The following TES variants were observed in gnomAD, a reference collection of about 807,000 sequenced individuals.
The protein encoded by TES is testin.
A neutral mutation model predicts 48.2 loss-of-function variants in TES; 41 were observed. The observed-to-expected ratio is 0.85, with a 90% CI of 0.66 to 1.10. The LOEUF (loss-of-function observed/expected upper bound fraction) is 1.10, where lower values mean the gene tolerates loss of function less well. Among genes scored for constraint, TES ranks in the 50% least tolerant of loss-of-function variants. The probability of loss-of-function intolerance (pLI) is 0.00; values close to 1 mark genes in which losing one functional copy is unlikely to be tolerated. For missense variants in TES, 463 were observed against 515.1 expected, an observed-to-expected ratio of 0.90 and a Z score of 0.98; for synonymous variants, 162 against 174.9, an observed-to-expected ratio of 0.93 and a Z score of 0.58.
chr7:116,226,998 G>A (rs1799629049), intron 1 of TES, among the ~76,000 whole-genome samples: 1 of 152,062 alleles, frequency 6.6e-6, no homozygotes, highest in African/African-American at 2.4e-5. Context: ...CTAGTTCTTT[G>A]TATTCTTACC....
At chr7:116,221,612 C>T (rs1033113994) in intron 1 of TES, among the ~76,000 whole-genome samples, 1 of 152,146 alleles carries the variant, frequency 6.6e-6, no homozygotes, top group Non-Finnish European at 1.5e-5. Context: ...CAGCTTCCCA[C>T]AGTGAAAGCT....
chr7:116,236,951 A>G (rs1799780141), intron 2 of TES, among the ~76,000 whole-genome samples: 1 of 152,176 alleles, frequency 6.6e-6, no homozygotes, highest in African/African-American at 2.4e-5. Flanking sequence ...AGTAGTTCTG[A>G]CATCTTCCTG....
At chr7:116,211,506 T>A (rs1452057029) in intron 1 of TES, 3 of 152,238 alleles carry the variant, frequency 2.0e-5, no homozygotes, top group Non-Finnish European at 4.4e-5. Context: ...GAGCCTGGTG[T>A]CGCCTGGGAG....
In TES at chr7:116,257,656, C is replaced by T. The variant is rs564622310; in HGVS notation, c.*174C>T. On this transcript the variant is annotated 3_prime_UTR_variant, in exon 7 of 7. Coordinates refer to ENST00000358204, the MANE Select transcript of TES (RefSeq NM_015641.4). Reference sequence around the variant, plus strand: ...TTCATCAATTTTTTTTCGGTCTCAACTTTTAAACTTGGTTTAAGCATTTGA... The same window carrying T: ...TTCATCAATTTTTTTTCGGTCTCAATTTTTAAACTTGGTTTAAGCATTTGA... 2 of 521,182 alleles carry T rather than the reference C, an allele frequency of 3.8e-6. No homozygotes were observed. Among genetic ancestry groups the T allele is most frequent in the Non-Finnish European group, 6.4e-6 (2 of 310,160 alleles). The allele number at this position is 521,182 out of a possible 1,614,324, so 32.3% of individuals were successfully genotyped here.
chr7:116,227,685 G>A (rs1036634621), intron 1 of TES, among the ~76,000 whole-genome samples: 3 of 152,132 alleles, frequency 2.0e-5, no homozygotes, highest in Admixed American at 6.5e-5. Flanking sequence ...ATATATGTGT[G>A]TGTATATATA....
intron 1 of TES, among the ~76,000 whole-genome samples, chr7:116,228,221 C>G (rs1047939907): frequency 6.6e-6 from 1 of 151,930 alleles, no homozygotes; most frequent in African/African-American, 2.4e-5. Context: ...GTTTATGGAG[C>G]CTGCAGTTAA....
chr7:116,216,408 C>T (rs1291214588), intron 1 of TES, among the ~76,000 whole-genome samples: 2 of 151,918 alleles, frequency 1.3e-5, no homozygotes, highest in Non-Finnish European at 2.9e-5. Flanking sequence ...AGATCCGAGT[C>T]CACTATTTTT....
chr7:116,211,766 G>C (rs1799441793), intron 1 of TES, among the ~76,000 whole-genome samples: 1 of 151,946 alleles, frequency 6.6e-6, no homozygotes, highest in Admixed American at 6.6e-5. Flanking sequence ...CAAAGTTTTT[G>C]ACTTGAGCAT....
intron 1 of TES, among the ~76,000 whole-genome samples, chr7:116,221,150 T>C (rs950955770): frequency 6.6e-6 from 1 of 152,126 alleles, no homozygotes. Flanking sequence ...AATTTAAAAA[T>C]TTAATATATT....
At chr7:116,214,256 C>T (rs1432081969) in intron 1 of TES, among the ~76,000 whole-genome samples, 1 of 151,956 alleles carries the variant, frequency 6.6e-6, no homozygotes, top group Non-Finnish European at 1.5e-5. Flanking sequence ...TTGTCATTAG[C>T]CAAAAAAGCA....
intron 6 of TES, among the ~76,000 whole-genome samples, 177 bp from the exon 7 acceptor site, chr7:116,257,117 T>C (rs891536403): frequency 3.3e-5 from 5 of 152,222 alleles, no homozygotes; most frequent in African/African-American, 1.2e-4. Context: ...GCTCAGAATA[T>C]TGACCTCCAT....
In TES at chr7:116,224,547, AT is replaced by A. The variant is rs201388839; in HGVS notation, c.28-9977del. 4.9e-3 allele frequency among the ~76,000 whole-genome samples: 739 copies of A among 150,300 alleles called. 5 individuals carry two copies. Among genetic ancestry groups the A allele is most frequent in the African/African-American group, 0.017 (704 of 40,952 alleles). On this transcript the variant is annotated intron_variant, in intron 1 of 6. Transcript: ENST00000358204. ...TTTGTATTTCTTGCTCATTCTTTTA[AT>A]TTTTTTTTTCTCTTGCTGTAACATT...
chr7:116,229,089 A>G (rs1584615564), intron 1 of TES, among the ~76,000 whole-genome samples: 1 of 149,194 alleles, frequency 6.7e-6, no homozygotes. Context: ...ATACAGGTAC[A>G]CCTATCTTGG....
chr7:116,234,151 A>G (rs1226792466), intron 1 of TES, among the ~76,000 whole-genome samples: 2 of 152,110 alleles, frequency 1.3e-5, no homozygotes, highest in East Asian at 3.8e-4. Context: ...GATGTAAAAT[A>G]TGTTATTCAG....
At chr7:116,255,855 T>C (rs1234079898) in intron 6 of TES, among the ~76,000 whole-genome samples, 4 of 152,188 alleles carry the variant, frequency 2.6e-5, no homozygotes, top group Non-Finnish European at 5.9e-5. Context: ...TATTGAAACA[T>C]CACATAGTAC....
At chr7:116,228,595 A>G (rs911169346) in intron 1 of TES, among the ~76,000 whole-genome samples, 3 of 152,224 alleles carry the variant, frequency 2.0e-5, no homozygotes, top group African/African-American at 4.8e-5. Flanking sequence ...ACTGAGTTTT[A>G]TCATTCACAG....
chr7:116,225,858 C>T (rs1041059168), intron 1 of TES, among the ~76,000 whole-genome samples: 13 of 152,116 alleles, frequency 8.5e-5, no homozygotes, highest in Non-Finnish European at 1.8e-4. Context: ...TTTATCAGGG[C>T]GTTCCATTTT....
intron 2 of TES, chr7:116,243,771 T>C (rs758517223): frequency 6.6e-6 from 1 of 152,230 alleles, no homozygotes; most frequent in Non-Finnish European, 1.5e-5. Flanking sequence ...AGTGTATTAG[T>C]CTGCTCTCAG....
intron 2 of TES, among the ~76,000 whole-genome samples, chr7:116,243,179 A>G (rs1450729579): frequency 6.6e-6 from 1 of 152,052 alleles, no homozygotes; most frequent in Non-Finnish European, 1.5e-5. Context: ...TAAATTATTT[A>G]GTTATCTAGT....
Sources: gnomAD v4.1 joint callset for allele counts (sites outside exome capture counted in the v4.1 genomes callset) on GRCh38, gnomAD v4.1.1 for gene constraint, MANE v1.5 for transcripts, NCBI Gene and HGNC (gene_info 2026-07-23, HGNC 2026-07-21) for gene names.